SYT1: variants seen among roughly 807,000 people sequenced by gnomAD.
The protein encoded by SYT1 is synaptotagmin-1.
A neutral mutation model predicts 44.8 loss-of-function variants in SYT1; 8 were observed. The ratio of observed to expected loss-of-function variants is 0.18; its 90% CI spans 0.10 to 0.32. The LOEUF is 0.32. Ranked by LOEUF, SYT1 falls within the 10% of genes least tolerant of loss-of-function variation. SYT1 has a pLI of 1.00. For missense variants in SYT1, 286 were observed against 509.3 expected (o/e 0.56, Z 4.22); for synonymous variants, 154 against 188.8 (o/e 0.82, Z 1.51).
At chr12:79,030,731 G>A (rs958574561) in intron 2 of SYT1, among the ~76,000 whole-genome samples, 1 of 151,020 alleles carries the variant, frequency 6.6e-6, no homozygotes, top group African/African-American at 2.4e-5. Context: ...TACATTATGA[G>A]TGAATGGCAC....
chr12:79,229,511 G>A (rs565342296), intron 4 of SYT1, among the ~76,000 whole-genome samples: 14 of 152,052 alleles, frequency 9.2e-5, no homozygotes, highest in Non-Finnish European at 1.9e-4. Flanking sequence ...GTGTACTACC[G>A]TGTACGTGTG....
At chr12:79,122,088 G>C (rs1282227616) in intron 3 of SYT1, among the ~76,000 whole-genome samples, 2 of 152,160 alleles carry the variant, frequency 1.3e-5, no homozygotes, top group Non-Finnish European at 2.9e-5. Context: ...AGATTTATAA[G>C]AGTCTTCAAA....
chr12:79,437,589 T>C (rs542772644), intron 9 of SYT1, among the ~76,000 whole-genome samples: 127 of 152,332 alleles, frequency 8.3e-4, no homozygotes, highest in Admixed American at 2.9e-3. Context: ...AGCTTGCCCA[T>C]TGGGGTCCCT....
intron 1 of SYT1, among the ~76,000 whole-genome samples, chr12:78,927,632 T>A (rs1391874259): frequency 6.6e-6 from 1 of 152,180 alleles, no homozygotes; most frequent in African/African-American, 2.4e-5. Context: ...TCCTAATGAC[T>A]TTATTTTCCT....
At chr12:79,054,666 TC>T (rs1396001240) in intron 3 of SYT1, among the ~76,000 whole-genome samples, 1 of 151,914 alleles carries the variant, frequency 6.6e-6, no homozygotes, top group Non-Finnish European at 1.5e-5. Flanking sequence ...TATACATAGT[TC>T]CAGGTGTTTT....
intron 1 of SYT1, among the ~76,000 whole-genome samples, chr12:78,904,903 C>A (rs530747422): frequency 6.6e-6 from 1 of 152,184 alleles, no homozygotes; most frequent in South Asian, 2.1e-4. Flanking sequence ...TAAATAGAAT[C>A]AACTTTCACT....
At chr12:78,952,697 A>G (rs1879028087) in intron 1 of SYT1, among the ~76,000 whole-genome samples, 1 of 152,106 alleles carries the variant, frequency 6.6e-6, no homozygotes, top group Non-Finnish European at 1.5e-5. Context: ...CCACAGGGTA[A>G]AAATAAATGA....
intron 1 of SYT1, chr12:78,977,404 G>T (rs1868925777): frequency 1.3e-5 from 2 of 152,156 alleles, no homozygotes; most frequent in Admixed American, 1.3e-4. Context: ...TCCTAACATA[G>T]AGTCTTGTTA....
At chr12:79,083,579 A>G (rs1440818781) in intron 3 of SYT1, among the ~76,000 whole-genome samples, 4 of 152,194 alleles carry the variant, frequency 2.6e-5, no homozygotes, top group Non-Finnish European at 5.9e-5. Flanking sequence ...AAATTGCTAA[A>G]AATAAGAGTA....
At chr12:79,229,987 C>T (rs2138613108) in intron 4 of SYT1, among the ~76,000 whole-genome samples, 1 of 152,228 alleles carries the variant, frequency 6.6e-6, no homozygotes, top group East Asian at 1.9e-4. Flanking sequence ...CTGCAGGAAA[C>T]TCCTGGCATT....
chr12:79,358,052 C>T (rs1014834443), intron 9 of SYT1, among the ~76,000 whole-genome samples: 1 of 152,006 alleles, frequency 6.6e-6, no homozygotes, highest in Non-Finnish European at 1.5e-5. Flanking sequence ...GCTACTTGTC[C>T]CTATTTGTGT....
At chr12:79,169,558 CA>C (rs1200379369) in intron 3 of SYT1, among the ~76,000 whole-genome samples, 1 of 151,936 alleles carries the variant, frequency 6.6e-6, no homozygotes, top group Non-Finnish European at 1.5e-5. Flanking sequence ...AAGATGGAAT[CA>C]ATGAAGTTTC....
chr12:79,357,407 T>C (rs1347807455), intron 9 of SYT1, among the ~76,000 whole-genome samples: 2 of 152,228 alleles, frequency 1.3e-5, no homozygotes, highest in African/African-American at 4.8e-5. Context: ...CATTAGGTTA[T>C]TTGATCATTG....
intron 2 of SYT1, among the ~76,000 whole-genome samples, chr12:79,039,062 G>A (rs1873334009): frequency 6.6e-6 from 1 of 151,904 alleles, no homozygotes; most frequent in South Asian, 2.1e-4. Context: ...GTATATTTCT[G>A]ATGCCTAAAG....
intron 2 of SYT1, among the ~76,000 whole-genome samples, chr12:78,982,928 C>G (rs957587350): frequency 6.6e-6 from 1 of 152,064 alleles, no homozygotes; most frequent in African/African-American, 2.4e-5. Context: ...GTCAGTTATT[C>G]TTCAAACCTT....
intron 9 of SYT1, among the ~76,000 whole-genome samples, chr12:79,401,709 A>C (rs1310205483): frequency 1.3e-5 from 2 of 150,096 alleles, no homozygotes; most frequent in Non-Finnish European, 3.0e-5. Flanking sequence ...TCACCCTGCT[A>C]CCCAGGCTGG....
chr12:79,436,583 T>G (rs1395243630), intron 9 of SYT1, among the ~76,000 whole-genome samples: 2 of 152,204 alleles, frequency 1.3e-5, no homozygotes, highest in African/African-American at 4.8e-5. Context: ...CAAAAAGCGT[T>G]TAGTGGCTCC....
Position 79,077,724 on chromosome 12 carries a change from G to T in SYT1, c.-18+30362G>T, listed in dbSNP as rs74110130. Among the ~76,000 whole-genome samples, 1,447 of 152,224 alleles carry T rather than the reference G, an allele frequency of 9.5e-3. 32 individuals are homozygous for T. Among genetic ancestry groups the T allele is most frequent in the African/African-American group, 0.032 (1,347 of 41,552 alleles). On this transcript the variant is annotated intron_variant, in intron 3 of 10. Transcript: ENST00000261205. ...ACTTTCTGCTTTTCAATGTGTTGTT[G>T]CTTTTCCTACAAATTGTTAGCTGAA...
intron 3 of SYT1, among the ~76,000 whole-genome samples, chr12:79,134,343 A>G (rs1869045444): frequency 6.6e-6 from 1 of 152,260 alleles, no homozygotes; most frequent in African/African-American, 2.4e-5. Context: ...TGTGAGATGT[A>G]TAGCATCATC....
Sources: gnomAD v4.1 joint callset for allele counts (sites outside exome capture counted in the v4.1 genomes callset) on GRCh38, gnomAD v4.1.1 for gene constraint, MANE v1.5 for transcripts, NCBI Gene and HGNC (gene_info 2026-07-23, HGNC 2026-07-21) for gene names.